Variants in ACYP2 observed in about 807,000 individuals in gnomAD.
ACYP2 encodes the protein acylphosphatase 2, also known as acylphosphatase-2.
In ACYP2, 12 loss-of-function variants were observed where a neutral mutation model predicts 11.2. That is an observed-to-expected ratio of 1.08 (90% CI 0.69 to 1.74). The LOEUF is 1.74. Among genes scored for constraint, ACYP2 ranks in the 40% most tolerant of loss-of-function variants. ACYP2 has a pLI of 0.00. For missense variants in ACYP2, 134 were observed against 101.9 expected (o/e 1.31, Z -1.35); for synonymous variants, 43 against 32.2 (o/e 1.33, Z -1.13).
At chr2:54,274,499 G>A (rs560712487) in intron 6 of ACYP2, among the ~76,000 whole-genome samples, 10 of 151,886 alleles carry the variant, frequency 6.6e-5, no homozygotes, top group Admixed American at 4.6e-4. Context: ...AAATTAACCA[G>A]GTACGGTGGT....
At chr2:54,042,528 C>G (rs1675289017) in intron 2 of ACYP2, among the ~76,000 whole-genome samples, 1 of 152,250 alleles carries the variant, frequency 6.6e-6, no homozygotes, top group African/African-American at 2.4e-5. Context: ...GCAAAACACA[C>G]TGACCCAGGG....
At chr2:54,304,153 T>A (rs1689828672) in intron 6 of ACYP2, among the ~76,000 whole-genome samples, 1 of 152,154 alleles carries the variant, frequency 6.6e-6, no homozygotes, top group South Asian at 2.1e-4. Context: ...TTTTTCTTAA[T>A]ATTTTTCAAA....
At chr2:54,076,717 G>GGA (rs139405039) in intron 4 of ACYP2, among the ~76,000 whole-genome samples, 2 of 151,956 alleles carry the variant, frequency 1.3e-5, no homozygotes, top group Non-Finnish European at 1.5e-5. Context: ...GATCAGGGAG[G>GGA]GAGAGAGAGA....
At chr2:54,284,945 C>T (rs1300157852) in intron 6 of ACYP2, among the ~76,000 whole-genome samples, 2 of 152,204 alleles carry the variant, frequency 1.3e-5, no homozygotes, top group African/African-American at 2.4e-5. Flanking sequence ...TTCGTTTCTT[C>T]AGGCTGCTGT....
intron 6 of ACYP2, among the ~76,000 whole-genome samples, chr2:54,302,720 C>T (rs1689774298): frequency 6.6e-6 from 1 of 152,130 alleles, no homozygotes; most frequent in African/African-American, 2.4e-5. Flanking sequence ...TCCCCTTCCC[C>T]CAAAATCTGC....
intron 2 of ACYP2, among the ~76,000 whole-genome samples, chr2:54,042,961 G>A (rs1388642554): frequency 6.6e-6 from 1 of 152,148 alleles, no homozygotes; most frequent in African/African-American, 2.4e-5. Flanking sequence ...TAAATGCTCT[G>A]TCTACCTTGC....
At chr2:54,025,527 T>C (rs945294669) in intron 2 of ACYP2, among the ~76,000 whole-genome samples, 1 of 152,128 alleles carries the variant, frequency 6.6e-6, no homozygotes, top group Non-Finnish European at 1.5e-5. Flanking sequence ...AAGCTACATG[T>C]AAAACAATGA....
chr2:54,126,837 C>G (rs1175419920), intron 4 of ACYP2, among the ~76,000 whole-genome samples: 1 of 151,688 alleles, frequency 6.6e-6, no homozygotes, highest in Admixed American at 6.6e-5. Flanking sequence ...GCCTGTAATC[C>G]CAGCTACCCG....
intron 6 of ACYP2, among the ~76,000 whole-genome samples, chr2:54,290,383 C>T (rs1428382378): frequency 1.3e-5 from 2 of 152,114 alleles, no homozygotes; most frequent in East Asian, 3.9e-4. Context: ...ATCTGTTCCC[C>T]CACCCCTACC....
intron 2 of ACYP2, chr2:54,029,906 G>C: frequency 3.9e-6 from 1 of 257,150 alleles, no homozygotes; most frequent in Non-Finnish European, 7.4e-6. Flanking sequence ...GTGTTTTCTC[G>C]AGGCCCGCCA....
intron 4 of ACYP2, among the ~76,000 whole-genome samples, chr2:54,131,320 C>G (rs1572826624): frequency 6.6e-6 from 1 of 152,172 alleles, no homozygotes; most frequent in Non-Finnish European, 1.5e-5. Flanking sequence ...TTCTCAAACC[C>G]CATCACCATA....
intron 4 of ACYP2, among the ~76,000 whole-genome samples, chr2:54,065,104 T>C (rs1052194223): frequency 1.3e-5 from 2 of 151,138 alleles, no homozygotes; most frequent in Admixed American, 6.6e-5. Flanking sequence ...AATAAATAAA[T>C]AAATAAATAA....
intron 6 of ACYP2, among the ~76,000 whole-genome samples, chr2:54,278,704 A>G (rs1448635678): frequency 6.6e-6 from 1 of 152,218 alleles, no homozygotes; most frequent in Admixed American, 6.5e-5. Context: ...TTTGCTTAGT[A>G]GCCATAAAAA....
chr2:54,115,711 C>G, intron 4 of ACYP2: 3 of 1,612,984 alleles, frequency 1.9e-6, no homozygotes, highest in Non-Finnish European at 2.5e-6. Context: ...GTCTACCGCC[C>G]AGTCACTCAA....
At chr2:53,974,649 G>A (rs1027166706) in intron 2 of ACYP2, among the ~76,000 whole-genome samples, 2 of 152,120 alleles carry the variant, frequency 1.3e-5, no homozygotes, top group Non-Finnish European at 2.9e-5. Context: ...AGTGGCCCAG[G>A]ATTGTGTGAC....
At chr2:54,017,060 C>T (rs1223144616) in intron 2 of ACYP2, among the ~76,000 whole-genome samples, 1 of 145,354 alleles carries the variant, frequency 6.9e-6, no homozygotes, top group East Asian at 1.9e-4. Context: ...TGCTGATTCT[C>T]ACATGGCAGA....
intron 6 of ACYP2, among the ~76,000 whole-genome samples, chr2:54,180,445 G>C (rs1683656326): frequency 6.6e-6 from 1 of 152,102 alleles, no homozygotes; most frequent in Admixed American, 6.6e-5. Flanking sequence ...CCTGGGGGTT[G>C]CCAGGCATCA....
At chr2:54,010,093 C>T (rs541149720) in intron 2 of ACYP2, among the ~76,000 whole-genome samples, 1 of 152,212 alleles carries the variant, frequency 6.6e-6, no homozygotes, top group Non-Finnish European at 1.5e-5. Flanking sequence ...TGGGCATTTA[C>T]ATTTAAAATC....
intron 6 of ACYP2, among the ~76,000 whole-genome samples, chr2:54,292,799 C>G (rs544556937): frequency 2.0e-5 from 3 of 152,100 alleles, no homozygotes; most frequent in Non-Finnish European, 4.4e-5. Flanking sequence ...ATATTTGTGA[C>G]ATGTCATTTT....
Sources: allele counts gnomAD v4.1 joint callset (sites outside exome capture counted in the v4.1 genomes callset), GRCh38; gene constraint gnomAD v4.1.1; transcripts MANE v1.5; gene names NCBI Gene and HGNC (gene_info 2026-07-23, HGNC 2026-07-21).